Variants in NEMP2 observed in about 807,000 individuals in gnomAD.
NEMP2 encodes the protein UPF0571 transmembrane protein.
NEMP2 carries 53 observed loss-of-function variants against 54.2 expected under a neutral mutation model. The observed-to-expected ratio is 0.98, with a 90% CI of 0.78 to 1.23. The LOEUF is 1.23. NEMP2 is among the 50% of genes most tolerant of loss of function. The probability of loss-of-function intolerance (pLI) is 0.00; values close to 1 mark genes in which losing one functional copy is unlikely to be tolerated. For synonymous variants in NEMP2, 197 were observed against 190.3 expected (o/e 1.04, Z -0.29); for missense variants, 455 against 511.3 (o/e 0.89, Z 1.06).
At chr2:190,483,319 A>C in the NEMP2 span, among the ~76,000 whole-genome samples, 3 of 152,224 alleles carry the variant, frequency 2.0e-5, no homozygotes, top group African/African-American at 7.2e-5. Context: ...ATAGTGTAAT[A>C]TTTAAGCACC....
upstream of NEMP2, among the ~76,000 whole-genome samples, chr2:190,538,463 A>C (rs569534946): frequency 2.6e-5 from 4 of 152,242 alleles, no homozygotes; most frequent in South Asian, 8.3e-4. The surrounding 1 kb of genome is among the most constrained non-coding windows in gnomAD (Gnocchi z 4.1). Context: ...TTGATATACT[A>C]ATTTCCTTTC....
At chr2:190,566,791 C>T in the NEMP2 span, among the ~76,000 whole-genome samples, 5 of 151,730 alleles carry the variant, frequency 3.3e-5, no homozygotes, top group East Asian at 5.8e-4. Context: ...AAGTCACTCA[C>T]CTAGGAAATA....
At chr2:190,642,042 T>C in the NEMP2 span, among the ~76,000 whole-genome samples, 1 of 152,230 alleles carries the variant, frequency 6.6e-6, no homozygotes, top group African/African-American at 2.4e-5. This position sits in a 1 kb window ranked among gnomAD's most constrained non-coding sequence, Gnocchi z 4.1. Flanking sequence ...TTTCTGCTCT[T>C]TCTATAAGCA....
chr2:190,609,626 C>G, the NEMP2 span: 1 of 152,182 alleles, frequency 6.6e-6, no homozygotes, highest in Non-Finnish European at 1.5e-5. This position sits in a 1 kb window ranked among gnomAD's most constrained non-coding sequence, Gnocchi z 4.7. Context: ...AACCTAGCTA[C>G]TCAGTCAGAG....
At position 190,518,892 on chromosome 2, in the gene NEMP2, T is replaced by C. The variant is rs1003389053; in HGVS notation, c.445+60A>G. ...TAAAAGAAGAAAAAAGTCAATTTAT[T>C]GAAAAGTTACTCCAGAAAAACTGAA... On this transcript the variant is annotated intron_variant, in intron 3 of 8. Transcript: ENST00000409150. 7.9e-6 allele frequency: 12 copies of C among 1,517,176 alleles called. No individual in the cohort carries two copies. The South Asian group carries it at 1.3e-4, about 16-fold the overall frequency. The allele number at this position is 1,517,176 out of a possible 1,614,324, so 94.0% of individuals were successfully genotyped here.
upstream of NEMP2, among the ~76,000 whole-genome samples, chr2:190,538,401 T>G (rs1691446376): frequency 6.6e-6 from 1 of 152,214 alleles, no homozygotes; most frequent in South Asian, 2.1e-4. This position sits in a 1 kb window ranked among gnomAD's most constrained non-coding sequence, Gnocchi z 4.1. Context: ...TGATTCCATG[T>G]TTTGTCTATT....
the NEMP2 span, among the ~76,000 whole-genome samples, chr2:190,567,547 G>C: frequency 6.6e-6 from 1 of 152,194 alleles, no homozygotes. This position sits in a 1 kb window ranked among gnomAD's most constrained non-coding sequence, Gnocchi z 4.0. Context: ...TTAGTCTTAT[G>C]CTAAGAGTAG....
At chr2:190,474,283 T>C in the NEMP2 span, among the ~76,000 whole-genome samples, 1 of 152,196 alleles carries the variant, frequency 6.6e-6, no homozygotes, top group South Asian at 2.1e-4. Flanking sequence ...AGGAGCTGGT[T>C]TTTTGAAAAG....
At chr2:190,436,019 G>C in the NEMP2 span, 1 of 1,595,164 alleles carries the variant, frequency 6.3e-7, no homozygotes, top group Admixed American at 1.8e-5. The surrounding 1 kb of genome is among the most constrained non-coding windows in gnomAD (Gnocchi z 5.3). Flanking sequence ...TGCTGATGGT[G>C]GTGGTAAGCC....
chr2:190,602,154 A>G, the NEMP2 span, among the ~76,000 whole-genome samples: 2 of 152,180 alleles, frequency 1.3e-5, no homozygotes, highest in Admixed American at 6.5e-5. Context: ...GAGATGGGAG[A>G]GAGGCGGAGA....
the NEMP2 span, among the ~76,000 whole-genome samples, chr2:190,453,485 C>G: frequency 6.6e-6 from 1 of 152,166 alleles, no homozygotes; most frequent in Non-Finnish European, 1.5e-5. Context: ...TTATTTTCAC[C>G]TGGTCAATCC....
At chr2:190,545,701 G>A in the NEMP2 span, among the ~76,000 whole-genome samples, 1 of 152,146 alleles carries the variant, frequency 6.6e-6, no homozygotes, top group Non-Finnish European at 1.5e-5. Flanking sequence ...TTTTTAAAAA[G>A]GGGTGGGTGG....
At chr2:190,496,611 A>G in the NEMP2 span, among the ~76,000 whole-genome samples, 1,481 of 152,176 alleles carry the variant, frequency 9.7e-3, 11 homozygotes, top group Non-Finnish European at 0.015. This position sits in a 1 kb window ranked among gnomAD's most constrained non-coding sequence, Gnocchi z 4.7. Flanking sequence ...AAGAAACTGT[A>G]GTGTGTGTAT....
At chr2:190,504,336 G>A (rs1458590270), downstream of NEMP2, 3 of 151,896 alleles carry the variant, frequency 2.0e-5, no homozygotes, top group East Asian at 5.8e-4. The surrounding 1 kb of genome is among the most constrained non-coding windows in gnomAD (Gnocchi z 5.6). Context: ...CCCCAACCAG[G>A]GTCTAGTTCT....
At chr2:190,450,031 TAAAAA>T in the NEMP2 span, among the ~76,000 whole-genome samples, 3 of 151,490 alleles carry the variant, frequency 2.0e-5, no homozygotes, top group Middle Eastern at 6.8e-3. Flanking sequence ...AAAATAAAAT[TAAAAA>T]AAAGAAAAAG....
chr2:190,426,656 G>A, the NEMP2 span, among the ~76,000 whole-genome samples: 1 of 152,108 alleles, frequency 6.6e-6, no homozygotes, highest in African/African-American at 2.4e-5. This position sits in a 1 kb window ranked among gnomAD's most constrained non-coding sequence, Gnocchi z 4.7. Context: ...GGAGTCCCCA[G>A]TGTCTATTAT....
chr2:190,496,805 C>A, the NEMP2 span, among the ~76,000 whole-genome samples: 1 of 152,140 alleles, frequency 6.6e-6, no homozygotes, highest in Non-Finnish European at 1.5e-5. This position sits in a 1 kb window ranked among gnomAD's most constrained non-coding sequence, Gnocchi z 4.7. Context: ...TGAAGCAACT[C>A]AAGAATGGAA....
chr2:190,518,057 A>G (rs1331710555), intron 4 of NEMP2, among the ~76,000 whole-genome samples: 1 of 152,216 alleles, frequency 6.6e-6, no homozygotes, highest in Non-Finnish European at 1.5e-5. Flanking sequence ...AAGTTCATGG[A>G]TGACATTAAA....
chr2:190,611,373 T>A, the NEMP2 span, among the ~76,000 whole-genome samples: 1 of 152,250 alleles, frequency 6.6e-6, no homozygotes, highest in African/African-American at 2.4e-5. The surrounding 1 kb of genome is among the most constrained non-coding windows in gnomAD (Gnocchi z 5.4). Context: ...TAGTGTGCTA[T>A]TAATGTTAAA....
Sources: allele counts gnomAD v4.1 joint callset (sites outside exome capture counted in the v4.1 genomes callset), GRCh38; gene constraint gnomAD v4.1.1; non-coding constraint Gnocchi (gnomAD v3.1); transcripts MANE v1.5; gene names NCBI Gene and HGNC (gene_info 2026-07-23, HGNC 2026-07-21).